Variants in IL6R observed in about 807,000 individuals in gnomAD.
IL6R encodes the protein interleukin-6 receptor subunit alpha.
Under a neutral mutation model 48.3 loss-of-function variants are expected in IL6R, and 38 were observed. The observed-to-expected ratio is 0.79, with a 90% CI of 0.61 to 1.03. IL6R has a LOEUF of 1.03. Ranked by LOEUF, IL6R falls within the 50% of genes least tolerant of loss-of-function variation. The probability of loss-of-function intolerance (pLI) is 0.00; values close to 1 mark genes in which losing one functional copy is unlikely to be tolerated. For missense variants in IL6R, 534 were observed against 618.3 expected (o/e 0.86, Z 1.45); for synonymous variants, 264 against 256.2 (o/e 1.03, Z -0.29).
chr1:154,463,155 G>GTTT (rs11289103), intron 9 of IL6R, among the ~76,000 whole-genome samples: 3 of 149,126 alleles, frequency 2.0e-5, no homozygotes, highest in African/African-American at 7.4e-5. Context: ...TGCATAAAGG[G>GTTT]TTTTTTTTTT....
intron 1 of IL6R, among the ~76,000 whole-genome samples, chr1:154,414,171 C>G (rs1292988645): frequency 6.6e-6 from 1 of 151,748 alleles, no homozygotes; most frequent in Non-Finnish European, 1.5e-5. Flanking sequence ...ATTTTTTTTT[C>G]CAACTAGTTG....
intron 1 of IL6R, among the ~76,000 whole-genome samples, chr1:154,420,783 G>A (rs1466296468): frequency 1.3e-5 from 2 of 151,942 alleles, no homozygotes; most frequent in African/African-American, 2.4e-5. Context: ...TGATCCACCC[G>A]TCTCAGCCTC....
chr1:154,426,051 G>A (rs995736110), intron 1 of IL6R, among the ~76,000 whole-genome samples: 17 of 149,764 alleles, frequency 1.1e-4, no homozygotes, highest in African/African-American at 4.0e-4. Flanking sequence ...CTCCAGCCTG[G>A]GCAGCAGACT....
intron 6 of IL6R, 151 bp downstream of exon 6, chr1:154,436,261 C>A: frequency 1.2e-6 from 1 of 807,476 alleles, no homozygotes; most frequent in Admixed American, 3.5e-5. Flanking sequence ...GAGGCTGAGG[C>A]GGGTGGATTG....
At chr1:154,420,511 T>TTTTATTTATTTATTTATTTATTTATTTA (rs372431155) in intron 1 of IL6R, among the ~76,000 whole-genome samples, 1 of 147,776 alleles carries the variant, frequency 6.8e-6, no homozygotes, top group African/African-American at 2.5e-5. Context: ...CTTTATTTTA[T>TTTTATTTATTTATTTATTTATTTATTTA]TTTATTTATT....
At chr1:154,445,072 T>A (rs941593607) in intron 6 of IL6R, 5 of 455,856 alleles carry the variant, frequency 1.1e-5, no homozygotes, top group Non-Finnish European at 2.2e-5. Context: ...CCATCCCGGG[T>A]GGCATTTGGG....
At chr1:154,461,157 A>C (rs2149276165) in intron 9 of IL6R, among the ~76,000 whole-genome samples, 1 of 152,352 alleles carries the variant, frequency 6.6e-6, no homozygotes, top group Middle Eastern at 3.4e-3. Context: ...AAAGACTTTT[A>C]AGACTTTCAC....
Position 154,454,486 on chromosome 1 carries a change from A to G in IL6R, c.1067-2A>G. The G allele has an allele frequency of 6.2e-7, 1 of 1,600,958 alleles. No individual in the cohort carries two copies. The highest frequency in any genetic ancestry group is 8.6e-7 in the Non-Finnish European group (1 of 1,169,098). ...CTATCTTCAATTTTTTTTTTAACCT[A>G]GTGCAAGATTCTTCTTCAGTACCAC... On this transcript the variant is annotated splice_acceptor_variant, in intron 8 of 9. Transcript: ENST00000368485. LOFTEE classifies it high-confidence loss of function.
chr1:154,450,093 G>T, intron 8 of IL6R, 113 bp downstream of exon 8: 4 of 577,464 alleles, frequency 6.9e-6, no homozygotes, highest in Admixed American at 2.3e-5. Context: ...CAGATCAATC[G>T]CAGAAATGTT....
intron 3 of IL6R, among the ~76,000 whole-genome samples, chr1:154,431,576 GTCTC>G (rs1453167394): frequency 6.6e-6 from 1 of 152,146 alleles, no homozygotes; most frequent in African/African-American, 2.4e-5. Flanking sequence ...TGTGAATGTG[GTCTC>G]TCTGTTTCTC....
At chr1:154,447,252 A>G (rs1268543293) in intron 6 of IL6R, among the ~76,000 whole-genome samples, 2 of 151,614 alleles carry the variant, frequency 1.3e-5, no homozygotes, top group African/African-American at 4.9e-5. Flanking sequence ...CAGCCTGGCC[A>G]ATATGGTGAA....
At chr1:154,437,908 G>C (rs1689727189) in intron 6 of IL6R, among the ~76,000 whole-genome samples, 1 of 150,262 alleles carries the variant, frequency 6.7e-6, no homozygotes, top group African/African-American at 2.5e-5. Flanking sequence ...TAGAGACGGG[G>C]TTTCACTGTG....
chr1:154,436,373 G>A (rs1348866758), intron 6 of IL6R, among the ~76,000 whole-genome samples: 5 of 152,208 alleles, frequency 3.3e-5, no homozygotes, highest in Admixed American at 3.3e-4. Flanking sequence ...AGCTACTCAG[G>A]AGGCTGAGGC....
At position 154,465,449 on chromosome 1, in the gene IL6R, C is replaced by T; in HGVS notation, c.*69C>T. ...ACACAAACGGGCTCAGCAAAAGATGCTTCTCACTGCCATGCCAGCTTATCT... is the reference window on the plus strand; with the variant it reads ...ACACAAACGGGCTCAGCAAAAGATGTTTCTCACTGCCATGCCAGCTTATCT... On this transcript the variant is annotated 3_prime_UTR_variant, in exon 10 of 10. Transcript: ENST00000368485. 1 of 1,551,528 alleles carries T rather than the reference C, an allele frequency of 6.4e-7. No individual in the cohort carries two copies. Among genetic ancestry groups the T allele is most frequent in the Non-Finnish European group, 8.9e-7 (1 of 1,126,532 alleles).
intron 6 of IL6R, chr1:154,437,600 C>A: frequency 2.8e-6 from 1 of 355,180 alleles, no homozygotes. Context: ...TTTGTAGAGA[C>A]AGGGTTTCAC....
chr1:154,409,861 A>G (rs1407011472), intron 1 of IL6R, among the ~76,000 whole-genome samples: 1 of 152,106 alleles, frequency 6.6e-6, no homozygotes, highest in Non-Finnish European at 1.5e-5. Flanking sequence ...GACAGACCCC[A>G]TGTGTGTTTG....
intron 1 of IL6R, among the ~76,000 whole-genome samples, chr1:154,407,066 A>G (rs919556566): frequency 6.6e-6 from 1 of 152,080 alleles, no homozygotes; most frequent in African/African-American, 2.4e-5. Context: ...TCAAATATAG[A>G]ACTAGATCAG....
chr1:154,442,785 CTTCTTTT>C (rs1690012940), intron 6 of IL6R, among the ~76,000 whole-genome samples: 1 of 133,838 alleles, frequency 7.5e-6, no homozygotes, highest in African/African-American at 2.7e-5. Context: ...AAATCATTTT[CTTCTTTT>C]TTTTTTTTTT....
intron 1 of IL6R, chr1:154,415,023 G>A: frequency 6.6e-7 from 1 of 1,525,908 alleles, no homozygotes; most frequent in Non-Finnish European, 9.0e-7. Context: ...GGTCCCTGTG[G>A]TTGGCAAGAA....
Sources: gnomAD v4.1 joint callset for allele counts (sites outside exome capture counted in the v4.1 genomes callset) on GRCh38, gnomAD v4.1.1 for gene constraint, MANE v1.5 for transcripts, NCBI Gene and HGNC (gene_info 2026-07-23, HGNC 2026-07-21) for gene names.